Variants in ME3 observed in about 807,000 individuals in gnomAD.
ME3 encodes NADP-dependent malic enzyme, mitochondrial.
ME3 carries 48 observed loss-of-function variants against 68.9 expected under a neutral mutation model. That is an observed-to-expected ratio of 0.70 (90% confidence interval 0.55 to 0.89). ME3 has a LOEUF of 0.89. Ranked by LOEUF, ME3 falls within the 40% of genes least tolerant of loss-of-function variation. ME3 has a pLI of 0.00. For missense variants in ME3, 675 were observed against 797.4 expected (o/e 0.85, Z 1.85); for synonymous variants, 320 against 318.8 (o/e 1.00, Z -0.04).
At chr11:86,656,364 G>T (rs1000585102) in intron 2 of ME3, among the ~76,000 whole-genome samples, 14 of 151,722 alleles carry the variant, frequency 9.2e-5, no homozygotes, top group Middle Eastern at 3.4e-3. Flanking sequence ...GTCCAACAAT[G>T]ATAGACTGGA....
chr11:86,436,635 C>A (rs1003549158), downstream of ME3: 2 of 152,088 alleles, frequency 1.3e-5, no homozygotes, highest in African/African-American at 4.8e-5. Flanking sequence ...AGTTTTAGCT[C>A]TCACATTTAG....
chr11:86,439,755 T>C (rs1245372922), downstream of ME3, among the ~76,000 whole-genome samples: 1 of 152,246 alleles, frequency 6.6e-6, no homozygotes, highest in Admixed American at 6.5e-5. Flanking sequence ...CCTATTTTGC[T>C]TTCATTTGTT....
chr11:86,602,936 T>G (rs1376949945), intron 2 of ME3, among the ~76,000 whole-genome samples: 1 of 152,188 alleles, frequency 6.6e-6, no homozygotes, highest in Non-Finnish European at 1.5e-5. Flanking sequence ...TTACACCTTA[T>G]ACAAAAATTA....
At chr11:86,632,355 G>T (rs188138045) in intron 2 of ME3, among the ~76,000 whole-genome samples, 2 of 152,146 alleles carry the variant, frequency 1.3e-5, no homozygotes, top group African/African-American at 2.4e-5. Context: ...AATGGCCAAG[G>T]GGGGTGGGGT....
chr11:86,482,931 G>A (rs1175324739), intron 7 of ME3, among the ~76,000 whole-genome samples: 1 of 152,120 alleles, frequency 6.6e-6, no homozygotes, highest in Non-Finnish European at 1.5e-5. Flanking sequence ...CAAGAATCAA[G>A]AGCAAATAAA....
chr11:86,663,972 C>G (rs1279001679), intron 2 of ME3, among the ~76,000 whole-genome samples: 1 of 152,216 alleles, frequency 6.6e-6, no homozygotes, highest in Non-Finnish European at 1.5e-5. Flanking sequence ...CTGTTTACAA[C>G]TGCTTTTAGA....
At chr11:86,659,117 A>C (rs970301615) in intron 2 of ME3, among the ~76,000 whole-genome samples, 2 of 152,206 alleles carry the variant, frequency 1.3e-5, no homozygotes, top group African/African-American at 4.8e-5. Context: ...ATAAAATTCA[A>C]AAGGAGGGTG....
chr11:86,520,980 G>A (rs1954231812), intron 4 of ME3, among the ~76,000 whole-genome samples: 1 of 152,162 alleles, frequency 6.6e-6, no homozygotes, highest in Non-Finnish European at 1.5e-5. Flanking sequence ...AAGGCACGCA[G>A]TTATCTGTGA....
intron 4 of ME3, among the ~76,000 whole-genome samples, chr11:86,553,184 C>A (rs1292089081): frequency 1.3e-5 from 2 of 152,224 alleles, no homozygotes; most frequent in African/African-American, 4.8e-5. Flanking sequence ...TGGTGCCTAT[C>A]TGCCCAGAGA....
intron 2 of ME3, among the ~76,000 whole-genome samples, chr11:86,609,455 T>C (rs1942399074): frequency 1.3e-5 from 2 of 152,200 alleles, no homozygotes; most frequent in Non-Finnish European, 2.9e-5. Context: ...CCTAGACCTG[T>C]ACACTGCCTA....
rs754170121 is a variant in ME3, at chr11:86,521,425, A to AAAATAATAAT, written c.468-12559_468-12558insATTATTATTT. On this transcript the variant is annotated intron_variant, in intron 4 of 14. Coordinates refer to ENST00000543262, the Ensembl canonical transcript of ME3. ...CAAACAAACAAAACAAAACAAAACA[A>AAAATAATAAT]AACAAAAATAATAATAATAATAATA... 8.1e-3 allele frequency among the ~76,000 whole-genome samples: 960 copies of AAAATAATAAT among 118,124 alleles called. 10 individuals carry two copies. Among genetic ancestry groups the AAAATAATAAT allele is most frequent in the Middle Eastern group, 0.025 (6 of 240 alleles). 77.5% of individuals were successfully genotyped at this position (118,124 alleles called of 152,430 possible). A position where few individuals can be genotyped will look rare whatever the true frequency, so the allele number is the denominator to read the frequency against.
intron 5 of ME3, among the ~76,000 whole-genome samples, chr11:86,508,058 T>C (rs1004803966): frequency 1.3e-5 from 2 of 152,192 alleles, no homozygotes; most frequent in Admixed American, 1.3e-4. Context: ...TCTTAAATTT[T>C]TGAGTAAAAT....
At chr11:86,490,970 A>G (rs1951969071) in intron 6 of ME3, among the ~76,000 whole-genome samples, 1 of 152,238 alleles carries the variant, frequency 6.6e-6, no homozygotes, top group South Asian at 2.1e-4. Context: ...AACCATAATG[A>G]GATACTGCTG....
chr11:86,498,298 C>T (rs934732933), intron 5 of ME3, among the ~76,000 whole-genome samples, 174 bp from the exon 6 acceptor site: 12 of 152,202 alleles, frequency 7.9e-5, no homozygotes, highest in Non-Finnish European at 1.6e-4. Context: ...GTGACCAGTC[C>T]TTCCTGGCAG....
rs563738961 is a variant in ME3, at chr11:86,617,045, G to GTTTTTTTTTTTTT, written c.183+54704_183+54716dup. On this transcript the variant is annotated intron_variant, in intron 2 of 14. Transcript: ENST00000543262. ...ACATCTAAAATACTCCAAGATAGTA[G>GTTTTTTTTTTTTT]TTTTTTTTTTTTTTTTTTTTTTTTT... 1.4e-4 allele frequency among the ~76,000 whole-genome samples: 8 copies of GTTTTTTTTTTTTT among 56,320 alleles called. 1 individual carries two copies. The highest frequency in any genetic ancestry group is 6.9e-4 in the Admixed American group (2 of 2,886). The allele number at this position is 56,320 out of a possible 152,430, so 36.9% of individuals were successfully genotyped here.
chr11:86,483,365 A>C (rs562153753), intron 7 of ME3, among the ~76,000 whole-genome samples: 1 of 152,192 alleles, frequency 6.6e-6, no homozygotes, highest in Non-Finnish European at 1.5e-5. Context: ...GGTAACATTA[A>C]GGAGTGGGCC....
intron 2 of ME3, among the ~76,000 whole-genome samples, chr11:86,665,376 C>CTT (rs1276383101): frequency 6.6e-6 from 1 of 151,980 alleles, no homozygotes; most frequent in African/African-American, 2.4e-5. Context: ...AAGTGAGAAA[C>CTT]TTTGAAAAAG....
chr11:86,631,654 G>A (rs927143535), intron 2 of ME3, among the ~76,000 whole-genome samples: 1 of 152,178 alleles, frequency 6.6e-6, no homozygotes, highest in African/African-American at 2.4e-5. Flanking sequence ...CAATTTGAGT[G>A]AAGCTTTAAA....
intron 7 of ME3, among the ~76,000 whole-genome samples, chr11:86,470,669 G>A (rs11828585): frequency 0.076 from 11,612 of 152,208 alleles, 491 homozygotes; most frequent in South Asian, 0.11. Flanking sequence ...CACCACCTAT[G>A]GTGGAACACA....
Sources: allele counts gnomAD v4.1 joint callset (sites outside exome capture counted in the v4.1 genomes callset), GRCh38; gene constraint gnomAD v4.1.1; transcripts MANE v1.5; gene names NCBI Gene and HGNC (gene_info 2026-07-23, HGNC 2026-07-21).